The following CAST variants were observed in gnomAD, a reference collection of about 807,000 sequenced individuals.
The protein encoded by CAST is MIR583 host.
CAST carries 76 observed loss-of-function variants against 119.6 expected under a neutral mutation model. That is an observed-to-expected ratio of 0.64 (90% confidence interval 0.53 to 0.77). The LOEUF (loss-of-function observed/expected upper bound fraction) is 0.77. Among genes scored for constraint, CAST ranks in the 30% least tolerant of loss-of-function variants. The probability of loss-of-function intolerance (pLI) is 0.00; values close to 1 mark genes in which losing one functional copy is unlikely to be tolerated. For synonymous variants in CAST, 319 were observed against 331.6 expected, an observed-to-expected ratio of 0.96 and a Z score of 0.41; for missense variants, 953 against 946.5, an observed-to-expected ratio of 1.01 and a Z score of -0.09.
the CAST span, among the ~76,000 whole-genome samples, chr5:96,014,711 G>C: frequency 4.6e-5 from 7 of 152,158 alleles, no homozygotes; most frequent in Non-Finnish European, 8.8e-5. Flanking sequence ...ACAGATCTAT[G>C]CAAGTAGGAT....
intron 1 of CAST, among the ~76,000 whole-genome samples, chr5:96,663,914 C>T (rs563845231): frequency 7.1e-6 from 1 of 140,624 alleles, no homozygotes; most frequent in African/African-American, 2.6e-5. Flanking sequence ...AACCAGGAAG[C>T]ATGATTTAAC....
the CAST span, among the ~76,000 whole-genome samples, chr5:96,334,015 C>A: frequency 1.3e-5 from 2 of 152,164 alleles, no homozygotes; most frequent in Non-Finnish European, 2.9e-5. Flanking sequence ...CACTTCAACA[C>A]CCATTTCATA....
the CAST span, among the ~76,000 whole-genome samples, chr5:96,513,365 T>G: frequency 1.3e-5 from 2 of 152,194 alleles, no homozygotes; most frequent in South Asian, 4.1e-4. Context: ...GAAGTTAAAA[T>G]AAATAGACAG....
chr5:96,250,967 CAAAGGTACA>C, the CAST span, among the ~76,000 whole-genome samples: 1 of 151,722 alleles, frequency 6.6e-6, no homozygotes, highest in African/African-American at 2.4e-5. Flanking sequence ...TACAGAGGTA[CAAAGGTACA>C]GAAGGTACAG....
intron 1 of CAST, among the ~76,000 whole-genome samples, chr5:96,584,314 C>T (rs1746816799): frequency 5.3e-5 from 8 of 152,194 alleles, no homozygotes; most frequent in Admixed American, 5.2e-4. Context: ...GTAATGCTGC[C>T]TCACCACTCA....
the CAST span, among the ~76,000 whole-genome samples, chr5:96,479,022 T>C: frequency 6.6e-6 from 1 of 152,112 alleles, no homozygotes. Context: ...AGAACAATCA[T>C]AGTAATTAAA....
At chr5:96,021,309 A>T in the CAST span, among the ~76,000 whole-genome samples, 35 of 152,232 alleles carry the variant, frequency 2.3e-4, no homozygotes, top group South Asian at 1.0e-3. Context: ...ACACACAAAA[A>T]TTTTTTTTTA....
chr5:96,679,667 A>T (rs759353423), intron 2 of CAST: 39 of 152,274 alleles, frequency 2.6e-4, no homozygotes, highest in Non-Finnish European at 4.4e-4. Flanking sequence ...AGCGAACGGA[A>T]ATTCTGCCTT....
the CAST span, among the ~76,000 whole-genome samples, chr5:96,234,920 T>C: frequency 1.3e-5 from 2 of 152,194 alleles, no homozygotes; most frequent in Non-Finnish European, 2.9e-5. Flanking sequence ...AGTTTTGATA[T>C]GTGTGTACAC....
intron 2 of CAST, among the ~76,000 whole-genome samples, chr5:96,691,456 T>C (rs1327222343): frequency 6.6e-6 from 1 of 152,242 alleles, no homozygotes; most frequent in African/African-American, 2.4e-5. Flanking sequence ...TTTTTTATAA[T>C]TGTATACATA....
chr5:96,200,913 G>A, the CAST span, among the ~76,000 whole-genome samples: 1 of 152,056 alleles, frequency 6.6e-6, no homozygotes, highest in African/African-American at 2.4e-5. Context: ...AAACTATAAA[G>A]GAAGGTTCTT....
chr5:96,597,341 C>T (rs548151221), intron 1 of CAST, among the ~76,000 whole-genome samples: 8 of 152,312 alleles, frequency 5.3e-5, no homozygotes, highest in African/African-American at 9.6e-5. Flanking sequence ...CACTCACCTA[C>T]GTGAAATACT....
the CAST span, among the ~76,000 whole-genome samples, chr5:96,256,857 A>G: frequency 6.6e-6 from 1 of 152,178 alleles, no homozygotes; most frequent in Non-Finnish European, 1.5e-5. Flanking sequence ...AACCCACATC[A>G]TAACGGGCCA....
At chr5:95,992,690 T>C in the CAST span, among the ~76,000 whole-genome samples, 1 of 152,282 alleles carries the variant, frequency 6.6e-6, no homozygotes, top group Middle Eastern at 3.4e-3. Flanking sequence ...GTTTAGTTAA[T>C]AGTGATAATG....
At chr5:96,639,564 A>G (rs796087054) in intron 1 of CAST, among the ~76,000 whole-genome samples, 84 of 152,326 alleles carry the variant, frequency 5.5e-4, no homozygotes, top group African/African-American at 1.9e-3. Context: ...AGTCAATGGC[A>G]CCTGAACAGG....
At chr5:96,001,272 A>C in the CAST span, among the ~76,000 whole-genome samples, 1 of 152,354 alleles carries the variant, frequency 6.6e-6, no homozygotes, top group South Asian at 2.1e-4. Flanking sequence ...AAAACAAATC[A>C]TTAAAAGATA....
chr5:96,755,689 C>G (rs143258691), intron 22 of CAST, among the ~76,000 whole-genome samples: 4 of 152,222 alleles, frequency 2.6e-5, no homozygotes, highest in Admixed American at 2.0e-4. Flanking sequence ...CATCCATGTG[C>G]ACTAGCCCAT....
chr5:96,667,029 A>G (rs1277209285), intron 1 of CAST, among the ~76,000 whole-genome samples: 1 of 152,152 alleles, frequency 6.6e-6, no homozygotes, highest in African/African-American at 2.4e-5. Context: ...ATACCCAGAA[A>G]GCTTTACAGC....
At chr5:96,691,878 G>A (rs1752764808) in intron 2 of CAST, among the ~76,000 whole-genome samples, 1 of 152,154 alleles carries the variant, frequency 6.6e-6, no homozygotes, top group Admixed American at 6.5e-5. Context: ...GCTTCACTCA[G>A]GGAGCCTTTT....
Sources: gnomAD v4.1 joint callset for allele counts (sites outside exome capture counted in the v4.1 genomes callset) on GRCh38, gnomAD v4.1.1 for gene constraint, MANE v1.5 for transcripts, NCBI Gene and HGNC (gene_info 2026-07-23, HGNC 2026-07-21) for gene names.